The following SPINK2 variants were observed in gnomAD, a reference collection of about 807,000 sequenced individuals.
SPINK2 encodes the protein serine peptidase inhibitor Kazal type 2.
SPINK2 carries 8 observed loss-of-function variants against 13.5 expected under a neutral mutation model. That is an observed-to-expected ratio of 0.59 (90% CI 0.35 to 1.07). The LOEUF is 1.07. Among genes scored for constraint, SPINK2 ranks in the 50% least tolerant of loss-of-function variants. The pLI is 0.02. For synonymous variants in SPINK2, 76 were observed against 74.7 expected (o/e 1.02, Z -0.09); for missense variants, 148 against 180.3 (o/e 0.82, Z 1.03).
intron 2 of SPINK2, among the ~76,000 whole-genome samples, chr4:56,814,976 A>AC (rs1560414893): frequency 2.6e-5 from 4 of 150,986 alleles, no homozygotes; most frequent in East Asian, 1.9e-4. Flanking sequence ...AAAAAAAAAA[A>AC]AAAAAAACAA....
chr4:56,813,765 A>G (rs1236195171), intron 2 of SPINK2, among the ~76,000 whole-genome samples: 1 of 150,558 alleles, frequency 6.6e-6, no homozygotes, highest in Non-Finnish European at 1.5e-5. Context: ...TTACAGGCGC[A>G]TGCCACCACG....
chr4:56,814,688 G>A (rs538889603), intron 2 of SPINK2, among the ~76,000 whole-genome samples: 8 of 151,978 alleles, frequency 5.3e-5, no homozygotes, highest in Admixed American at 2.6e-4. Context: ...GTGGCCAGGC[G>A]CGGTGGCTCA....
At chr4:56,814,689 C>T (rs1717278690) in intron 2 of SPINK2, among the ~76,000 whole-genome samples, 1 of 151,792 alleles carries the variant, frequency 6.6e-6, no homozygotes, top group Admixed American at 6.6e-5. Flanking sequence ...TGGCCAGGCG[C>T]GGTGGCTCAT....
In SPINK2 at chr4:56,811,775, C is replaced by T; in HGVS notation, c.269G>A (p.Arg90Lys). The change falls in exon 3 of 4, where the codon AGA becomes AAA. Residue 90 changes from arginine to lysine, a missense_variant. Coordinates refer to ENST00000506738, the MANE Select transcript of SPINK2 (RefSeq NM_001271718.2). The stretch of plus-strand genomic sequence containing the variant: ...AAAGTGTCTGGGACATCCTGGTAAT[C>T]TATACTGAGAGCAGTTTGGCTGGAA... ...KYRTPNCSQY[R>K]LPGCPRHFNP... 1.2e-6 allele frequency: 2 copies of T among 1,609,330 alleles called. No homozygotes were observed. The highest frequency in any genetic ancestry group is 1.3e-5 in the African/African-American group (1 of 74,804).
chr4:56,813,333 G>A (rs184952035), intron 2 of SPINK2, among the ~76,000 whole-genome samples: 8,198 of 152,134 alleles, frequency 0.054, 303 homozygotes, highest in Admixed American at 0.12. Context: ...AAAAAATTAC[G>A]AATTAAAATA....
intron 2 of SPINK2, among the ~76,000 whole-genome samples, chr4:56,819,960 T>C (rs1717797101): frequency 6.6e-6 from 1 of 152,136 alleles, no homozygotes; most frequent in African/African-American, 2.4e-5. Flanking sequence ...TTCCGTAATT[T>C]CTGTCCTTGA....
At chr4:56,811,389 C>A (rs570082408) in intron 3 of SPINK2, among the ~76,000 whole-genome samples, 3 of 152,044 alleles carry the variant, frequency 2.0e-5, no homozygotes, top group Admixed American at 2.0e-4. Context: ...GAGGCCAAGG[C>A]GGGTGGATCA....
At chr4:56,815,327 A>G (rs747559489) in intron 2 of SPINK2, among the ~76,000 whole-genome samples, 2 of 152,208 alleles carry the variant, frequency 1.3e-5, no homozygotes, top group Non-Finnish European at 2.9e-5. Context: ...ATTCAACACT[A>G]TACCGAAGTT....
At chr4:56,820,619 A>C in intron 1 of SPINK2, 40 bp from the exon 2 acceptor site, 2 of 1,521,320 alleles carry the variant, frequency 1.3e-6, no homozygotes, top group Non-Finnish European at 1.8e-6. Flanking sequence ...GTATAGGATC[A>C]AGGTAAGGTA....
At chr4:56,814,238 G>A (rs1039871228) in intron 2 of SPINK2, among the ~76,000 whole-genome samples, 11 of 151,688 alleles carry the variant, frequency 7.3e-5, no homozygotes, top group African/African-American at 2.4e-4. Flanking sequence ...CCTAACTAAC[G>A]CCTGATGGTC....
chr4:56,818,896 A>G (rs935487573), intron 2 of SPINK2, among the ~76,000 whole-genome samples: 1 of 152,184 alleles, frequency 6.6e-6, no homozygotes, highest in Non-Finnish European at 1.5e-5. Context: ...ACAAATAGCA[A>G]ATAAGACATT....
At chr4:56,820,165 G>A (rs1231266998) in intron 2 of SPINK2, among the ~76,000 whole-genome samples, 1 of 152,132 alleles carries the variant, frequency 6.6e-6, no homozygotes, top group Non-Finnish European at 1.5e-5. Context: ...TCAAATGCAA[G>A]TGACAGTGGC....
At position 56,811,763 on chromosome 4, in the gene SPINK2, C is replaced by T. The variant is rs1459806737; in HGVS notation, c.281G>A (p.Cys94Tyr). 1.9e-6 allele frequency: 3 copies of T among 1,610,818 alleles called. No individual in the cohort carries two copies. The highest frequency in any genetic ancestry group is 2.5e-6 in the Non-Finnish European group (3 of 1,178,132). The change falls in exon 3 of 4, where the codon TGT becomes TAT. Residue 94 changes from cysteine (C) to tyrosine (Y), a missense_variant. Coordinates refer to ENST00000506738, the MANE Select transcript of SPINK2 (RefSeq NM_001271718.2). ...ACACACAGGGTTAAAGTGTCTGGGA[C>T]ATCCTGGTAATCTATACTGAGAGCA... The part of the protein sequence containing the change: ...PNCSQYRLPG[C>Y]PRHFNPVCGS...
In SPINK2 at chr4:56,814,658, A is replaced by ATT. The variant is rs571274482; in HGVS notation, c.250-2866_250-2865dup. Among the ~76,000 whole-genome samples the ATT allele has an allele frequency of 2.2e-4, 33 of 151,724 alleles. 1 individual carries two copies. In the South Asian group the frequency reaches 6.9e-3, roughly 32 times the overall value. On this transcript the variant is annotated intron_variant, in intron 2 of 3. Transcript: ENST00000506738. ...AAGGAACCTCCAAAACTCTTTTATG[A>ATT]TTTTTTTTAAAAAAAAGAGGTGGCC... is the stretch of plus-strand genomic sequence containing the variant.
At chr4:56,819,257 G>C (rs1717719400) in intron 2 of SPINK2, among the ~76,000 whole-genome samples, 1 of 152,136 alleles carries the variant, frequency 6.6e-6, no homozygotes, top group African/African-American at 2.4e-5. Flanking sequence ...CTAGAGGAAG[G>C]GAATCGCGTG....
At chr4:56,810,356 C>T in intron 3 of SPINK2, 172 bp from the exon 4 acceptor site, 1 of 629,028 alleles carries the variant, frequency 1.6e-6, no homozygotes, top group Middle Eastern at 4.3e-4. Context: ...GTGAAAGTCC[C>T]CACTCTGTCA....
chr4:56,820,091 A>G (rs1717806950), intron 2 of SPINK2, among the ~76,000 whole-genome samples: 1 of 152,124 alleles, frequency 6.6e-6, no homozygotes, highest in African/African-American at 2.4e-5. Context: ...ATCAGGCCAT[A>G]CCTGAAGCCA....
intron 2 of SPINK2, among the ~76,000 whole-genome samples, chr4:56,817,343 A>C (rs1240584834): frequency 6.6e-6 from 1 of 152,256 alleles, no homozygotes. Context: ...ATAAGACTTA[A>C]CACTTTTAAG....
rs373374892 is a variant in SPINK2, at chr4:56,821,570, C to G, written c.93G>C (p.Pro31=). The part of the protein sequence containing the change: ...ARSGPGERGP[P]EKSGFGSQTG... The stretch of plus-strand genomic sequence containing the variant: ...TCTGACTCCCAAACCCGCTTTTCTC[C>G]GGAGGTCCCCGCTCGCCAGGACCGC... The change falls in exon 1 of 4, where the codon CCG becomes CCC. Residue 31 remains proline, a synonymous_variant. Transcript: ENST00000506738. 4.5e-6 allele frequency: 7 copies of G among 1,547,860 alleles called. No homozygotes were observed. Among genetic ancestry groups the G allele is most frequent in the Admixed American group, 2.0e-5 (1 of 50,964 alleles).
Sources: allele counts gnomAD v4.1 joint callset (sites outside exome capture counted in the v4.1 genomes callset), GRCh38; gene constraint gnomAD v4.1.1; transcripts MANE v1.5; gene names NCBI Gene and HGNC (gene_info 2026-07-23, HGNC 2026-07-21).